The following SYCE1L variants were observed in gnomAD, a reference collection of about 807,000 sequenced individuals.
SYCE1L encodes the protein synaptonemal complex central element protein 1-like.
Under a neutral mutation model 39.6 loss-of-function variants are expected in SYCE1L, and 51 were observed. That is an observed-to-expected ratio of 1.29 (90% CI 1.03 to 1.63). The LOEUF is 1.63. SYCE1L is among the 40% of genes most tolerant of loss of function. SYCE1L has a pLI of 0.00. For missense variants in SYCE1L, 426 were observed against 304.9 expected (o/e 1.40, Z -2.96); for synonymous variants, 147 against 122.4 (o/e 1.20, Z -1.33).
In SYCE1L at chr16:77,209,412, C is replaced by G. The variant is rs1567426974; in HGVS notation, c.305-5C>G. ...CAAAGGGTCCCCTTGGTTCCTTCCC[C>G]ACAGAGGCACTGAGGATCCTCCAGA... On this transcript the variant is annotated splice_polypyrimidine_tract_variant and splice_region_variant and intron_variant, in intron 5 of 10. Transcript: ENST00000378644. 2 of 1,551,730 alleles carry G rather than the reference C, an allele frequency of 1.3e-6. No homozygotes were observed. Among genetic ancestry groups the G allele is most frequent in the Admixed American group, 2.0e-5 (1 of 50,996 alleles).
rs751831776 is a variant in SYCE1L, at chr16:77,209,189, C to A, written c.304+45C>A. On this transcript the variant is annotated intron_variant, in intron 5 of 10. Coordinates refer to ENST00000378644, the MANE Select transcript of SYCE1L (RefSeq NM_001129979.3). Reference sequence around the variant, plus strand: ...TCTTCCTTATTCTACTCTTCCACCCCACAAAAGTCTATGCTCCTCAGAGCA... The same window carrying A: ...TCTTCCTTATTCTACTCTTCCACCCAACAAAAGTCTATGCTCCTCAGAGCA... The A allele has an allele frequency of 1.9e-5, 29 of 1,545,964 alleles. No individual in the cohort carries two copies. The South Asian group carries it at 3.0e-4, about 16-fold the overall frequency.
chr16:77,199,497 A>G lies in SYCE1L; in HGVS notation c.46A>G (p.Thr16Ala), dbSNP rs4888607. The G allele has an allele frequency of 1, 1,548,825 of 1,551,518 alleles. 773,110 individuals are homozygous for G. Among genetic ancestry groups the G allele is most frequent in the East Asian group, 1 (40,908 of 40,908 alleles). Residue 16 changes from threonine to alanine, a missense_variant, in exon 1 of 11, where the codon ACT (threonine) becomes GCT (alanine). By Grantham distance (58) the Thr-to-Ala change is moderately conservative (BLOSUM62 0). Transcript: ENST00000378644. The part of the protein sequence containing the change: ...KPLNVEAPEA[T>A]EEAEGQAKSL... ...TCTGAATGTGGAGGCGCCAGAAGCT[A>G]CTGAGGAGGCTGAAGGTAGTGAGGG...
intron 6 of SYCE1L, 125 bp from the exon 7 acceptor site, chr16:77,211,088 A>G (rs2054819094): frequency 3.9e-6 from 4 of 1,027,902 alleles, no homozygotes; most frequent in Non-Finnish European, 5.9e-6. Flanking sequence ...CTTAGAGGAT[A>G]AAACCCATGA....
In SYCE1L at chr16:77,208,478, C is replaced by G. The variant is rs2054801064; in HGVS notation, c.195C>G (p.Ser65=). The change falls in exon 4 of 11, where the codon TCC becomes TCG. Residue 65 remains serine, a synonymous_variant. Transcript: ENST00000378644. Reference sequence around the variant, plus strand: ...TTCTTGGCCCAGCAAAGAAGAAATCCAGTGAGGAACTGAGAGAGACCCACA... The same window carrying G: ...TTCTTGGCCCAGCAAAGAAGAAATCGAGTGAGGAACTGAGAGAGACCCACA... ...INDLQQAKKK[S]SEELRETHSL... 1 of 1,551,514 alleles carries G rather than the reference C, an allele frequency of 6.4e-7. No homozygotes were observed. Among genetic ancestry groups the G allele is most frequent in the African/African-American group, 1.4e-5 (1 of 73,024 alleles).
chr16:77,210,589 A>G (rs1029960961), intron 6 of SYCE1L, among the ~76,000 whole-genome samples: 5 of 152,022 alleles, frequency 3.3e-5, no homozygotes, highest in African/African-American at 9.7e-5. Context: ...TGAGACCCAG[A>G]GAGGTTAAGT....
chr16:77,212,346 G>T lies in SYCE1L; in HGVS notation c.558G>T (p.Glu186Asp). 2.0e-6 allele frequency: 3 copies of T among 1,527,528 alleles called. No individual in the cohort carries two copies. The highest frequency in any genetic ancestry group is 2.2e-5 in the Admixed American group (1 of 45,780). 94.6% of individuals were successfully genotyped at this position (1,527,528 alleles called of 1,614,324 possible). A position where few individuals can be genotyped will look rare whatever the true frequency, so the allele number is the denominator to read the frequency against. ...ERRLHSPPEVEGAMAVNDGLK... is the reference protein window; with the variant it reads ...ERRLHSPPEVDGAMAVNDGLK... ...GGCTGCACTCGCCGCCTGAGGTCGA[G>T]GGCGCCATGGCGGTGAATGACGGGT... The change falls in exon 9 of 11, where the codon GAG (glutamate) becomes GAT (aspartate). Residue 186 changes from glutamate (E) to aspartate (D), a missense_variant. Physicochemically the swap from Glu to Asp is conservative, Grantham distance 45 (BLOSUM62 2). Transcript: ENST00000378644.
At chr16:77,210,561 T>C (rs1487930272) in intron 6 of SYCE1L, among the ~76,000 whole-genome samples, 2 of 152,008 alleles carry the variant, frequency 1.3e-5, no homozygotes, top group Non-Finnish European at 2.9e-5. Flanking sequence ...ACTACCACCA[T>C]TTTACATATT....
chr16:77,206,640 A>G (rs2054787625), intron 2 of SYCE1L, 140 bp downstream of exon 2: 1 of 828,102 alleles, frequency 1.2e-6, no homozygotes, highest in Admixed American at 2.6e-5. Context: ...TAATTCTTTG[A>G]ACCAAGAATA....
At chr16:77,210,323 A>AGATGGGGTTTCTCCATGTTGGCCAG (rs2054814020) in intron 6 of SYCE1L, among the ~76,000 whole-genome samples, 1 of 152,098 alleles carries the variant, frequency 6.6e-6, no homozygotes, top group Non-Finnish European at 1.5e-5. Context: ...TACAGGCGTG[A>AGATGGGGTTTCTCCATGTTGGCCAG]GCTACCACAC....
chr16:77,210,883 T>C (rs1242207687), intron 6 of SYCE1L, among the ~76,000 whole-genome samples: 2 of 152,174 alleles, frequency 1.3e-5, no homozygotes, highest in Non-Finnish European at 2.9e-5. Context: ...AGGGTTGTCT[T>C]TCCCTTCCCA....
chr16:77,209,574 C>T, intron 6 of SYCE1L, 103 bp downstream of exon 6: 1 of 1,288,924 alleles, frequency 7.8e-7, no homozygotes, highest in Non-Finnish European at 1.1e-6. Flanking sequence ...CCTCATTTTA[C>T]CTTTCTATAA....
intron 1 of SYCE1L, among the ~76,000 whole-genome samples, chr16:77,205,054 A>AG: frequency 6.8e-6 from 1 of 147,012 alleles, no homozygotes; most frequent in Non-Finnish European, 1.5e-5. Context: ...CAAAAAAAAA[A>AG]AAAAAAGAAA....
At chr16:77,209,071 G>T in intron 4 of SYCE1L, 26 bp from the exon 5 acceptor site, 1 of 1,551,618 alleles carries the variant, frequency 6.4e-7, no homozygotes, top group East Asian at 2.4e-5. Flanking sequence ...GTGCCTGGAG[G>T]CAGAAAGTGT....
At chr16:77,208,905 G>A (rs1041446968) in intron 4 of SYCE1L, among the ~76,000 whole-genome samples, 192 bp from the exon 5 acceptor site, 1 of 152,182 alleles carries the variant, frequency 6.6e-6, no homozygotes, top group Admixed American at 6.5e-5. Context: ...CATTTACAAA[G>A]AATGTGGGCA....
At chr16:77,204,467 G>C (rs2054771386) in intron 1 of SYCE1L, among the ~76,000 whole-genome samples, 1 of 152,176 alleles carries the variant, frequency 6.6e-6, no homozygotes, top group African/African-American at 2.4e-5. Flanking sequence ...AGATATGAGA[G>C]TGGCAGGTGA....
rs1242463951 is a variant in SYCE1L, at chr16:77,208,537, C to T, written c.254C>T (p.Ser85Phe). Reference protein sequence around the residue: ...LWEALHRELDSLNGEKVHLEE... With the variant: ...LWEALHRELDFLNGEKVHLEE... ...GAGGCCCTGCATAGGGAATTAGACT[C>T]CTGTAAGTGGGGCCAAAAGAGGGAC... Residue 85 changes from serine to phenylalanine, a missense_variant and splice_region_variant, in exon 4 of 11, where the codon TCC becomes TTC. Coordinates refer to ENST00000378644, the MANE Select transcript of SYCE1L (RefSeq NM_001129979.3). 1.5e-5 allele frequency: 24 copies of T among 1,551,666 alleles called. No individual in the cohort carries two copies. Among genetic ancestry groups the T allele is most frequent in the Non-Finnish European group, 2.0e-5 (23 of 1,146,990 alleles).
At position 77,205,298 on chromosome 16, in the gene SYCE1L, G is replaced by A. The variant is rs117073398; in HGVS notation, c.62-1143G>A. 3.5e-3 allele frequency among the ~76,000 whole-genome samples: 530 copies of A among 151,692 alleles called. 1 individual carries two copies. Among genetic ancestry groups the A allele is most frequent in the Non-Finnish European group, 5.2e-3 (353 of 67,916 alleles). ...TCTCTTCAGTTTTCCTTAGAGAGGCGTAGGTCACTGAGATTTGACTTTTAC... is the reference window on the plus strand; with the variant it reads ...TCTCTTCAGTTTTCCTTAGAGAGGCATAGGTCACTGAGATTTGACTTTTAC... On this transcript the variant is annotated intron_variant, in intron 1 of 10. Coordinates refer to ENST00000378644, the MANE Select transcript of SYCE1L (RefSeq NM_001129979.3).
chr16:77,212,346 G>A lies in SYCE1L; in HGVS notation c.558G>A (p.Glu186=). ...GGCTGCACTCGCCGCCTGAGGTCGA[G>A]GGCGCCATGGCGGTGAATGACGGGT... ...ERRLHSPPEV[E]GAMAVNDGLK... The change falls in exon 9 of 11, where the codon GAG becomes GAA. Residue 186 remains glutamate (E), a synonymous_variant. Transcript: ENST00000378644. The A allele has an allele frequency of 6.5e-7, 1 of 1,527,530 alleles. No individual in the cohort carries two copies. The highest frequency in any genetic ancestry group is 8.8e-7 in the Non-Finnish European group (1 of 1,138,676). The allele number at this position is 1,527,530 out of a possible 1,614,324, so 94.6% of individuals were successfully genotyped here. A position where few individuals can be genotyped will look rare whatever the true frequency, so the allele number is the denominator to read the frequency against.
Position 77,213,024 on chromosome 16 carries a change from T to A in SYCE1L, c.*93T>A, listed in dbSNP as rs2054837837. On this transcript the variant is annotated 3_prime_UTR_variant, in exon 11 of 11. Transcript: ENST00000378644. Reference sequence around the variant, plus strand: ...GACCATGCTCGCGTTCTCCGCGGAGTCTGTGCTACACCGTGGAGCGGGGCG... The same window carrying A: ...GACCATGCTCGCGTTCTCCGCGGAGACTGTGCTACACCGTGGAGCGGGGCG... 1.5e-6 allele frequency: 2 copies of A among 1,314,144 alleles called. No individual in the cohort carries two copies. Among genetic ancestry groups the A allele is most frequent in the Admixed American group, 5.3e-5 (2 of 37,922 alleles). The allele number at this position is 1,314,144 out of a possible 1,614,324, so 81.4% of individuals were successfully genotyped here.
Sources: allele counts gnomAD v4.1 joint callset (sites outside exome capture counted in the v4.1 genomes callset), GRCh38; gene constraint gnomAD v4.1.1; transcripts MANE v1.5; gene names NCBI Gene and HGNC (gene_info 2026-07-23, HGNC 2026-07-21).